The following SNX2 variants were observed in gnomAD, a reference collection of about 807,000 sequenced individuals.
SNX2 encodes the protein sorting nexin 2.
A neutral mutation model predicts 69.9 loss-of-function variants in SNX2; 25 were observed. That is an observed-to-expected ratio of 0.36 (90% CI 0.26 to 0.50). The LOEUF is 0.50. Ranked by LOEUF, SNX2 falls within the 20% of genes least tolerant of loss-of-function variation. SNX2 has a pLI of 0.97. For missense variants in SNX2, 551 were observed against 613.3 expected (o/e 0.90, Z 1.07); for synonymous variants, 229 against 200.4 (o/e 1.14, Z -1.20).
intron 1 of SNX2, among the ~76,000 whole-genome samples, chr5:122,789,119 A>G (rs192804496): frequency 3.0e-4 from 46 of 152,136 alleles, no homozygotes; most frequent in Middle Eastern, 3.4e-3. Flanking sequence ...TCAGATTCCA[A>G]ATTTCTGTTT....
intron 2 of SNX2, among the ~76,000 whole-genome samples, chr5:122,795,995 A>G (rs1482908548): frequency 6.6e-6 from 1 of 152,218 alleles, no homozygotes; most frequent in African/African-American, 2.4e-5. Flanking sequence ...AATTAATGAC[A>G]CAAAAAATGA....
chr5:122,779,438 C>G (rs540479191), intron 1 of SNX2, among the ~76,000 whole-genome samples: 1 of 152,232 alleles, frequency 6.6e-6, no homozygotes, highest in African/African-American at 2.4e-5. Flanking sequence ...TTGTGACGGG[C>G]TTTTTTCCTT....
At chr5:122,785,405 C>G (rs1483436224) in intron 1 of SNX2, among the ~76,000 whole-genome samples, 1 of 151,898 alleles carries the variant, frequency 6.6e-6, no homozygotes, top group Admixed American at 6.6e-5. Flanking sequence ...ACCTTGGCCT[C>G]CCAAAATGCT....
chr5:122,829,593 C>A lies in SNX2; in HGVS notation c.1510-5C>A. The A allele has an allele frequency of 6.2e-7, 1 of 1,606,392 alleles. No homozygotes were observed. Among genetic ancestry groups the A allele is most frequent in the Non-Finnish European group, 8.5e-7 (1 of 1,173,234 alleles). ...AATAACTTATATTTTAATTATCATT[C>A]ACAGCTGATAAAATACTGGGAAGCA... is the stretch of plus-strand genomic sequence containing the variant. On this transcript the variant is annotated splice_polypyrimidine_tract_variant and splice_region_variant and intron_variant, in intron 14 of 14. Coordinates refer to ENST00000379516, the MANE Select transcript of SNX2 (RefSeq NM_003100.4).
In SNX2 at chr5:122,832,544, TTATTATC is replaced by T. The variant is rs1754317916; in HGVS notation, c.*2899_*2905del. 1 of 152,098 alleles carries T rather than the reference TTATTATC, an allele frequency of 6.6e-6. No individual in the cohort carries two copies. 9.4% of individuals were successfully genotyped at this position (152,098 alleles called of 1,614,324 possible). ...GTTGCTACTCCTTAAACTTTTTTCT[TTATTATC>T]TAGATCTAGTAAAGTTTTCTGCATT... is the stretch of plus-strand genomic sequence containing the variant. On this transcript the variant is annotated 3_prime_UTR_variant, in exon 15 of 15. Coordinates refer to ENST00000379516, the MANE Select transcript of SNX2 (RefSeq NM_003100.4).
intron 1 of SNX2, among the ~76,000 whole-genome samples, chr5:122,778,435 C>T (rs965325999): frequency 7.2e-5 from 11 of 152,208 alleles, no homozygotes; most frequent in Admixed American, 6.5e-4. Context: ...ACGTTCCCAT[C>T]AGCAGCAGTG....
At chr5:122,787,124 T>G (rs1753107521) in intron 1 of SNX2, among the ~76,000 whole-genome samples, 2 of 152,296 alleles carry the variant, frequency 1.3e-5, no homozygotes, top group South Asian at 4.1e-4. Context: ...CACACTCCTT[T>G]CCATCCACTA....
In SNX2 at chr5:122,834,067, GTTAAA is replaced by G. The variant is rs1258519781; in HGVS notation, c.*4422_*4426del. ...AATCATGATTGAACTGATTATTCCTGTTAAATTTATGTGTGAACCATATGTGAACA... is the reference window on the plus strand; with the variant it reads ...AATCATGATTGAACTGATTATTCCTGTTTATGTGTGAACCATATGTGAACA... On this transcript the variant is annotated 3_prime_UTR_variant, in exon 15 of 15. Transcript: ENST00000379516. The G allele has an allele frequency of 1.3e-5, 2 of 152,166 alleles. No homozygotes were observed. Among genetic ancestry groups the G allele is most frequent in the African/African-American group, 2.4e-5 (1 of 41,436 alleles). The allele number at this position is 152,166 out of a possible 1,614,324, so 9.4% of individuals were successfully genotyped here. A position where few individuals can be genotyped will look rare whatever the true frequency, so the allele number is the denominator to read the frequency against.
chr5:122,815,436 G>A (rs981367947), intron 7 of SNX2: 1 of 152,204 alleles, frequency 6.6e-6, no homozygotes, highest in African/African-American at 2.4e-5. Flanking sequence ...AAAAGTATTG[G>A]TAGACTCTTC....
intron 11 of SNX2, among the ~76,000 whole-genome samples, chr5:122,822,769 A>G (rs1754052941): frequency 6.6e-6 from 1 of 152,146 alleles, no homozygotes; most frequent in Non-Finnish European, 1.5e-5. Flanking sequence ...GAACCACTAG[A>G]GTAGGGTCAG....
chr5:122,818,814 TCAGA>T lies in SNX2; in HGVS notation c.1007-3_1007del. On this transcript the variant is annotated splice_acceptor_variant and splice_polypyrimidine_tract_variant and coding_sequence_variant and intron_variant, in exon 11 of 15. Coordinates refer to ENST00000379516, the MANE Select transcript of SNX2 (RefSeq NM_003100.4). LOFTEE classifies it high-confidence loss of function. ...AAAATTGCATACTTTTTTTTAAATT[TCAGA>T]ACTTTCAGCCAACACAGCTGCCTTT... The T allele has an allele frequency of 6.2e-7, 1 of 1,608,000 alleles. No individual in the cohort carries two copies. The highest frequency in any genetic ancestry group is 8.5e-7 in the Non-Finnish European group (1 of 1,178,180).
chr5:122,818,923 A>G lies in SNX2; in HGVS notation c.1112A>G (p.Glu371Gly), dbSNP rs753052986. 6.2e-7 allele frequency: 1 copy of G among 1,614,020 alleles called. No homozygotes were observed. Reference sequence around the variant, plus strand: ...GCTTTGTCTCAGCTTGCAGAGGTTGAGGAGAAGATAGACCAGTTACATCAA... The same window carrying G: ...GCTTTGTCTCAGCTTGCAGAGGTTGGGGAGAAGATAGACCAGTTACATCAA... The part of the protein sequence containing the change: ...SRALSQLAEV[E>G]EKIDQLHQEQ... Residue 371 changes from glutamate to glycine, a missense_variant, in exon 11 of 15, where the codon GAG (glutamate) becomes GGG (glycine). Coordinates refer to ENST00000379516, the MANE Select transcript of SNX2 (RefSeq NM_003100.4).
In SNX2 at chr5:122,831,415, G is replaced by A. The variant is rs937020976; in HGVS notation, c.*1767G>A. Among the ~76,000 whole-genome samples, 4 of 152,116 alleles carry A rather than the reference G, an allele frequency of 2.6e-5. No homozygotes were observed. The highest frequency in any genetic ancestry group is 9.7e-5 in the African/African-American group (4 of 41,418). On this transcript the variant is annotated 3_prime_UTR_variant, in exon 15 of 15. Transcript: ENST00000379516. The stretch of plus-strand genomic sequence containing the variant: ...TTGAGCCCAGGAGTTTGAGGCTATA[G>A]TACACTATGATCGTGCCTGTGAATA...
intron 1 of SNX2, among the ~76,000 whole-genome samples, chr5:122,790,264 A>G (rs894570902): frequency 6.6e-6 from 1 of 152,152 alleles, no homozygotes; most frequent in African/African-American, 2.4e-5. Context: ...GACTACAGGT[A>G]TGCGCCACTA....
At chr5:122,775,071 G>A, upstream of SNX2, 5 of 1,558,348 alleles carry the variant, frequency 3.2e-6, no homozygotes, top group Non-Finnish European at 4.3e-6. Flanking sequence ...GGTCCGCGAG[G>A]CCCAGCTCGC....
intron 1 of SNX2, among the ~76,000 whole-genome samples, chr5:122,787,312 G>A (rs1753111983): frequency 6.6e-6 from 1 of 152,112 alleles, no homozygotes; most frequent in African/African-American, 2.4e-5. Flanking sequence ...TTGAGGTCAG[G>A]AGTTCGAGAC....
chr5:122,827,230 A>C, intron 12 of SNX2, 149 bp from the exon 13 acceptor site: 1 of 629,404 alleles, frequency 1.6e-6, no homozygotes, highest in Non-Finnish European at 2.8e-6. Context: ...TTGACAGTTA[A>C]ATGCAATTTC....
chr5:122,822,960 A>G (rs1327089313), intron 11 of SNX2, among the ~76,000 whole-genome samples: 1 of 152,256 alleles, frequency 6.6e-6, no homozygotes, highest in African/African-American at 2.4e-5. Flanking sequence ...TCAGAACTCC[A>G]TGAAGCTGGG....
At chr5:122,825,491 C>T (rs565660816) in intron 11 of SNX2, among the ~76,000 whole-genome samples, 1 of 151,448 alleles carries the variant, frequency 6.6e-6, no homozygotes, top group Non-Finnish European at 1.5e-5. Context: ...ATATATAGTC[C>T]TCTTCATCTT....
Sources: gnomAD v4.1 joint callset for allele counts (sites outside exome capture counted in the v4.1 genomes callset) on GRCh38, gnomAD v4.1.1 for gene constraint, MANE v1.5 for transcripts, NCBI Gene and HGNC (gene_info 2026-07-23, HGNC 2026-07-21) for gene names.